The following RLF variants were observed in gnomAD, a reference collection of about 807,000 sequenced individuals.
RLF encodes the protein RLF zinc finger.
A neutral mutation model predicts 162.9 loss-of-function variants in RLF; 7 were observed. The observed-to-expected ratio is 0.04, with a 90% CI of 0.02 to 0.08. The LOEUF (loss-of-function observed/expected upper bound fraction) is 0.08, where lower values mean the gene tolerates loss of function less well. Among genes scored for constraint, RLF ranks in the 10% least tolerant of loss-of-function variants. The pLI, the probability that RLF is intolerant of heterozygous loss-of-function variation, is 1.00. For synonymous variants in RLF, 782 were observed against 791.5 expected (o/e 0.99, Z 0.20); for missense variants, 1,664 against 2,244.7 (o/e 0.74, Z 5.23).
At chr1:40,224,804 T>G (rs1643046033) in intron 6 of RLF, among the ~76,000 whole-genome samples, 1 of 150,596 alleles carries the variant, frequency 6.6e-6, no homozygotes. Context: ...CTGACCAACA[T>G]GGTGAAACCC....
intron 4 of RLF, among the ~76,000 whole-genome samples, chr1:40,202,023 T>C (rs1409487932): frequency 6.6e-6 from 1 of 152,178 alleles, no homozygotes; most frequent in Non-Finnish European, 1.5e-5. Flanking sequence ...CTTGGCAAGT[T>C]ACCTAACTTC....
chr1:40,194,457 T>C lies in RLF; in HGVS notation c.475-1175T>C, dbSNP rs558339779. On this transcript the variant is annotated intron_variant, in intron 3 of 7. Coordinates refer to ENST00000372771, the MANE Select transcript of RLF (RefSeq NM_012421.4). ...AGTTCGAGACCAGCCAGGACCAACGTGGCAAAACCCCGTCTCTACTAAAAA... is the reference window on the plus strand; with the variant it reads ...AGTTCGAGACCAGCCAGGACCAACGCGGCAAAACCCCGTCTCTACTAAAAA... Among the ~76,000 whole-genome samples, 12 of 152,048 alleles carry C rather than the reference T, an allele frequency of 7.9e-5. No individual in the cohort carries two copies. In the East Asian group the frequency reaches 2.3e-3, roughly 29 times the overall value.
Position 40,238,438 on chromosome 1 carries a change from C to G in RLF, c.3736C>G (p.Pro1246Ala), listed in dbSNP as rs1387197987. Residue 1246 changes from proline (P) to alanine (A), a missense_variant, in exon 8 of 8, where the codon CCT becomes GCT. By Grantham distance (27) the Pro-to-Ala change is conservative (BLOSUM62 -1). Transcript: ENST00000372771. The surrounding 1 kb of genome is among the most constrained non-coding windows in gnomAD (Gnocchi z 5.2). ...SSNSEKPHCHPKKDECSSETD... is the reference protein window; with the variant it reads ...SSNSEKPHCHAKKDECSSETD... ...TAACTCTGAGAAACCACACTGTCATCCTAAAAAGGATGAATGTAGTTCTGA... is the reference window on the plus strand; with the variant it reads ...TAACTCTGAGAAACCACACTGTCATGCTAAAAAGGATGAATGTAGTTCTGA... 1 of 1,613,896 alleles carries G rather than the reference C, an allele frequency of 6.2e-7. No individual in the cohort carries two copies. Among genetic ancestry groups the G allele is most frequent in the Non-Finnish European group, 8.5e-7 (1 of 1,180,000 alleles).
chr1:40,226,806 G>C (rs753540759), intron 6 of RLF, among the ~76,000 whole-genome samples: 2 of 152,020 alleles, frequency 1.3e-5, no homozygotes, highest in Non-Finnish European at 2.9e-5. Context: ...TGGACTTCAT[G>C]GGCTTCTTGC....
At chr1:40,198,164 C>T (rs899872223) in intron 4 of RLF, among the ~76,000 whole-genome samples, 7 of 151,642 alleles carry the variant, frequency 4.6e-5, no homozygotes, top group African/African-American at 7.3e-5. Context: ...CCACCATGCC[C>T]GGCTAATTTT....
intron 5 of RLF, among the ~76,000 whole-genome samples, chr1:40,211,395 C>T (rs964707203): frequency 6.6e-6 from 1 of 152,170 alleles, no homozygotes; most frequent in African/African-American, 2.4e-5. Flanking sequence ...CACCTATTTC[C>T]ATGTGTTAGA....
intron 7 of RLF, 102 bp from the exon 8 acceptor site, chr1:40,235,690 G>T: frequency 1.3e-6 from 1 of 756,078 alleles, no homozygotes; most frequent in Non-Finnish European, 2.0e-6. Flanking sequence ...ATAAAATTTA[G>T]GAACTCTAAA....
chr1:40,165,761 C>T (rs1446486181), intron 1 of RLF, among the ~76,000 whole-genome samples: 1 of 152,026 alleles, frequency 6.6e-6, no homozygotes, highest in Non-Finnish European at 1.5e-5. Flanking sequence ...TCACTTTATT[C>T]CCTAAAATAC....
Position 40,240,261 on chromosome 1 carries a change from A to C in RLF, c.5559A>C (p.Thr1853=). The C allele has an allele frequency of 6.2e-7, 1 of 1,614,214 alleles. No homozygotes were observed. The highest frequency in any genetic ancestry group is 8.5e-7 in the Non-Finnish European group (1 of 1,180,034). ...CTTTAATAGTAGCTGAAACAACAAC[A>C]GTTCCTTCCTTGGAAAACCTGAGGG... is the stretch of plus-strand genomic sequence containing the variant. ...IPPLIVAETT[T]VPSLENLRVV... The change falls in exon 8 of 8, where the codon ACA becomes ACC. Residue 1853 remains threonine, a synonymous_variant. Coordinates refer to ENST00000372771, the MANE Select transcript of RLF (RefSeq NM_012421.4).
chr1:40,187,803 T>C (rs1410896591), intron 1 of RLF, among the ~76,000 whole-genome samples: 2 of 152,188 alleles, frequency 1.3e-5, no homozygotes, highest in Non-Finnish European at 2.9e-5. Flanking sequence ...AAACTAAAGC[T>C]GCAGAAAATC....
At chr1:40,162,048 G>A (rs959177611) in intron 1 of RLF, among the ~76,000 whole-genome samples, 3 of 152,184 alleles carry the variant, frequency 2.0e-5, no homozygotes, top group Admixed American at 2.0e-4. Flanking sequence ...ATAATCCAGA[G>A]AGGTGTGTTG....
intron 5 of RLF, among the ~76,000 whole-genome samples, chr1:40,203,055 C>T (rs17878476): frequency 0.091 from 13,508 of 149,156 alleles, 684 homozygotes; most frequent in South Asian, 0.16. Context: ...TCCATGACTA[C>T]ATCCTGAACA....
At chr1:40,201,626 A>G (rs954304652) in intron 4 of RLF, among the ~76,000 whole-genome samples, 2 of 2,244 alleles carry the variant, frequency 8.9e-4, no homozygotes, top group African/African-American at 1.4e-3. Flanking sequence ...ACTTCATCTC[A>G]AAAAAAAAAA....
intron 4 of RLF, among the ~76,000 whole-genome samples, chr1:40,200,732 T>G (rs1642700078): frequency 1.3e-5 from 2 of 151,068 alleles, no homozygotes; most frequent in Admixed American, 6.6e-5. Flanking sequence ...GCTTTTTCTG[T>G]CCTTTTGAAA....
At chr1:40,232,874 C>T (rs935685591) in intron 7 of RLF, among the ~76,000 whole-genome samples, 8 of 151,936 alleles carry the variant, frequency 5.3e-5, no homozygotes, top group Admixed American at 2.6e-4. Context: ...CTGGCTTTTT[C>T]TTTTTTGGCG....
intron 7 of RLF, among the ~76,000 whole-genome samples, chr1:40,233,509 C>G (rs910257255): frequency 6.6e-6 from 1 of 152,200 alleles, no homozygotes; most frequent in Admixed American, 6.5e-5. Context: ...CTCTTACTTA[C>G]AAATGATAAA....
chr1:40,237,752 A>G lies in RLF; in HGVS notation c.3050A>G (p.Asp1017Gly), dbSNP rs1239154516. The part of the protein sequence containing the change: ...KLDAEPKPCS[D>G]TNSDSPDEGL... ...GATGCAGAACCTAAACCCTGCTCAG[A>G]TACAAACAGTGACTCCCCAGATGAA... is the stretch of plus-strand genomic sequence containing the variant. The change falls in exon 8 of 8, where the codon GAT becomes GGT. Residue 1017 changes from aspartate (D) to glycine (G), a missense_variant. By Grantham distance (94) the Asp-to-Gly change is moderately conservative. This residue lies in a region of RLF where 295 missense variants were observed against 317.4 expected (regional missense o/e 0.93). Coordinates refer to ENST00000372771, the MANE Select transcript of RLF (RefSeq NM_012421.4). This position sits in a 1 kb window ranked among gnomAD's most constrained non-coding sequence, Gnocchi z 4.4. The G allele has an allele frequency of 8.1e-6, 13 of 1,614,010 alleles. No individual in the cohort carries two copies. In the East Asian group the frequency reaches 1.3e-4, roughly 17 times the overall value.
chr1:40,204,280 G>T (rs1470033592), intron 5 of RLF, among the ~76,000 whole-genome samples: 1 of 152,062 alleles, frequency 6.6e-6, no homozygotes, highest in Non-Finnish European at 1.5e-5. Context: ...CTCCCAAAGT[G>T]CTGGGATTAC....
chr1:40,214,119 T>C (rs1642895106), intron 5 of RLF, among the ~76,000 whole-genome samples: 2 of 152,236 alleles, frequency 1.3e-5, no homozygotes, highest in African/African-American at 4.8e-5. Context: ...TAGATTCACA[T>C]GTAATTACAA....
Sources: allele counts gnomAD v4.1 joint callset (sites outside exome capture counted in the v4.1 genomes callset), GRCh38; gene constraint gnomAD v4.1.1; regional missense constraint gnomAD v4.1.1; non-coding constraint Gnocchi (gnomAD v3.1); transcripts MANE v1.5; gene names NCBI Gene and HGNC (gene_info 2026-07-23, HGNC 2026-07-21).